The following PIAS4 variants were observed in gnomAD, a reference collection of about 807,000 sequenced individuals.
The protein encoded by PIAS4 is protein inhibitor of activated STAT 4, also known as E3 SUMO-protein ligase PIAS4.
Under a neutral mutation model 58.0 loss-of-function variants are expected in PIAS4, and 7 were observed. The observed-to-expected ratio is 0.12, with a 90% CI of 0.07 to 0.23. The LOEUF (loss-of-function observed/expected upper bound fraction) is 0.23. Ranked by LOEUF, PIAS4 falls within the 10% of genes least tolerant of loss-of-function variation. PIAS4 has a pLI of 1.00. For missense variants in PIAS4, 550 were observed against 709.5 expected, an observed-to-expected ratio of 0.78 and a Z score of 2.55; for synonymous variants, 364 against 312.4, an observed-to-expected ratio of 1.17 and a Z score of -1.74.
At position 4,028,127 on chromosome 19, in the gene PIAS4, G is replaced by A. The variant is rs755663449; in HGVS notation, c.540-19G>A. The stretch of plus-strand genomic sequence containing the variant: ...CTCAGCTCTCCTTTCCTTTCCTCTG[G>A]TTTGCTCCACACCCACAGGGAACTG... On this transcript the variant is annotated intron_variant, in intron 3 of 10. Coordinates refer to ENST00000262971, the MANE Select transcript of PIAS4 (RefSeq NM_015897.4). 5.0e-6 allele frequency: 8 copies of A among 1,613,532 alleles called. No homozygotes were observed. The South Asian group carries it at 8.8e-5, about 18-fold the overall frequency.
Position 4,037,335 on chromosome 19 carries a change from C to T in PIAS4, c.1143-39C>T, listed in dbSNP as rs1029486618. On this transcript the variant is annotated intron_variant, in intron 9 of 10. Transcript: ENST00000262971. The surrounding 1 kb of genome is among the most constrained non-coding windows in gnomAD (Gnocchi z 5.8). ...GGGCTGGGGAGTTGGGGGGGTGGGG[C>T]ACCTCCAGCCCCGGCGTCAGCTGTC... 2 of 1,571,874 alleles carry T rather than the reference C, an allele frequency of 1.3e-6. No individual in the cohort carries two copies. Among genetic ancestry groups the T allele is most frequent in the East Asian group, 2.3e-5 (1 of 44,246 alleles).
At chr19:4,029,423 C>T (rs1435317917) in intron 7 of PIAS4, among the ~76,000 whole-genome samples, 3 of 152,066 alleles carry the variant, frequency 2.0e-5, no homozygotes, top group Non-Finnish European at 2.9e-5. Flanking sequence ...TCAGCGGGGC[C>T]GAGGGTGCTG....
At chr19:4,024,155 G>T (rs369476650) in intron 3 of PIAS4, 35 bp downstream of exon 3, 1 of 1,228,868 alleles carries the variant, frequency 8.1e-7, no homozygotes, top group Non-Finnish European at 1.1e-6. Context: ...GCACCCCACC[G>T]CCCGCCCACC....
At chr19:4,029,554 T>C (rs1004239407) in intron 7 of PIAS4, among the ~76,000 whole-genome samples, 7 of 151,878 alleles carry the variant, frequency 4.6e-5, no homozygotes, top group African/African-American at 1.7e-4. Context: ...TCTTTTTCTT[T>C]TTCTTTTTTT....
chr19:4,024,019 C>T lies in PIAS4; in HGVS notation c.455-17C>T, dbSNP rs778592012. ...GCCAGGGACCAGACATGCCCCTGAC[C>T]CCGTGTTTGTCTTCAGTCCCACAGA... On this transcript the variant is annotated splice_polypyrimidine_tract_variant and intron_variant, in intron 2 of 10. Transcript: ENST00000262971. 6.3e-7 allele frequency: 1 copy of T among 1,587,684 alleles called. No individual in the cohort carries two copies. Among genetic ancestry groups the T allele is most frequent in the Non-Finnish European group, 8.7e-7 (1 of 1,155,630 alleles).
chr19:4,018,588 A>G (rs2040075824), intron 2 of PIAS4: 1 of 152,226 alleles, frequency 6.6e-6, no homozygotes, highest in Non-Finnish European at 1.5e-5. Context: ...CATCTGGTTC[A>G]GTGGTGCCCT....
At chr19:4,035,794 C>A (rs370590449) in intron 9 of PIAS4, among the ~76,000 whole-genome samples, 10 of 7,336 alleles carry the variant, frequency 1.4e-3, no homozygotes, top group East Asian at 5.5e-3. Flanking sequence ...TCCATACCAT[C>A]ACACACACCC....
At chr19:4,033,762 A>G (rs2040248455) in intron 9 of PIAS4, among the ~76,000 whole-genome samples, 182 bp downstream of exon 9, 1 of 152,132 alleles carries the variant, frequency 6.6e-6, no homozygotes, top group Non-Finnish European at 1.5e-5. Flanking sequence ...GGAACTTCTC[A>G]GAGCCTTTGC....
intron 3 of PIAS4, among the ~76,000 whole-genome samples, chr19:4,025,471 A>G (rs2144924980): frequency 6.6e-6 from 1 of 152,308 alleles, no homozygotes; most frequent in East Asian, 1.9e-4. Context: ...CCCTGAGTCC[A>G]TGGCAGGGCT....
At chr19:4,016,921 C>G (rs1165551951) in intron 2 of PIAS4, among the ~76,000 whole-genome samples, 1 of 152,116 alleles carries the variant, frequency 6.6e-6, no homozygotes, top group African/African-American at 2.4e-5. Flanking sequence ...CTGCTTGCCC[C>G]GAGGGCTTCA....
In PIAS4 at chr19:4,013,582, C is replaced by T. The variant is rs572469045; in HGVS notation, c.454+233C>T. On this transcript the variant is annotated intron_variant, in intron 2 of 10. Coordinates refer to ENST00000262971, the MANE Select transcript of PIAS4 (RefSeq NM_015897.4). The surrounding 1 kb of genome is among the most constrained non-coding windows in gnomAD (Gnocchi z 5.1). ...AAATGGAGCCACTGGAAGCAGGGGGCGTCTGTTAGCTCTCAGGAACCTGTG... is the reference window on the plus strand; with the variant it reads ...AAATGGAGCCACTGGAAGCAGGGGGTGTCTGTTAGCTCTCAGGAACCTGTG... 3.5e-4 allele frequency among the ~76,000 whole-genome samples: 54 copies of T among 152,296 alleles called. No individual in the cohort carries two copies. Among genetic ancestry groups the T allele is most frequent in the African/African-American group, 1.1e-3 (47 of 41,576 alleles).
At chr19:4,028,087 G>A in intron 3 of PIAS4, 59 bp from the exon 4 acceptor site, 2 of 1,550,190 alleles carry the variant, frequency 1.3e-6, no homozygotes, top group South Asian at 1.1e-5. Context: ...GTGGGCTGGG[G>A]TCACGCCCTC....
At chr19:4,025,673 C>T (rs10422505) in intron 3 of PIAS4, among the ~76,000 whole-genome samples, 7,950 of 152,188 alleles carry the variant, frequency 0.052, 692 homozygotes, top group African/African-American at 0.18. Flanking sequence ...GTGGCGACCT[C>T]GTCTTTCTCA....
intron 2 of PIAS4, among the ~76,000 whole-genome samples, chr19:4,020,081 TA>T (rs2040094282): frequency 6.6e-6 from 1 of 152,106 alleles, no homozygotes; most frequent in African/African-American, 2.4e-5. Flanking sequence ...CACGCCCGGC[TA>T]ATTTTTTGTA....
intron 9 of PIAS4, among the ~76,000 whole-genome samples, chr19:4,036,701 C>A (rs1426352883): frequency 7.2e-6 from 1 of 139,006 alleles, no homozygotes; most frequent in Non-Finnish European, 1.5e-5. Flanking sequence ...ATAGTCCACA[C>A]CATCATACAC....
intron 2 of PIAS4, among the ~76,000 whole-genome samples, chr19:4,017,552 G>T (rs2040064615): frequency 6.6e-6 from 1 of 152,148 alleles, no homozygotes; most frequent in Non-Finnish European, 1.5e-5. Context: ...GGGAATCAGT[G>T]CTGGTAGCTC....
In PIAS4 at chr19:4,038,524, A is replaced by G. The variant is rs975682134; in HGVS notation, c.*649A>G. 1.3e-5 allele frequency: 2 copies of G among 151,938 alleles called. No individual in the cohort carries two copies. Among genetic ancestry groups the G allele is most frequent in the African/African-American group, 4.8e-5 (2 of 41,316 alleles). The allele number at this position is 151,938 out of a possible 1,614,324, so 9.4% of individuals were successfully genotyped here. ...GAGGGTTTAGCCACAGATGTGTTGT[A>G]TTTTTTGAAAGTGCAATAATTTGGT... On this transcript the variant is annotated 3_prime_UTR_variant, in exon 11 of 11. Transcript: ENST00000262971. The surrounding 1 kb of genome is among the most constrained non-coding windows in gnomAD (Gnocchi z 4.1).
Position 4,037,770 on chromosome 19 carries a change from GGAGGAT to G in PIAS4, c.1434_1439del (p.Asp478_Glu479del), listed in dbSNP as rs1568223690. On this transcript the variant is annotated inframe_deletion, in exon 11 of 11. Transcript: ENST00000262971. This position sits in a 1 kb window ranked among gnomAD's most constrained non-coding sequence, Gnocchi z 5.8. ...TCACGCTGGACAGCTCATCGTCCTC[GGAGGAT>G]GAGGAGGAGGAGGAAGAGGAGGAGG... The G allele has an allele frequency of 1.9e-6, 3 of 1,604,048 alleles. No homozygotes were observed. Among genetic ancestry groups the G allele is most frequent in the Admixed American group, 3.4e-5 (2 of 58,074 alleles).
intron 1 of PIAS4, among the ~76,000 whole-genome samples, chr19:4,008,147 G>A (rs549514620): frequency 2.0e-5 from 3 of 152,224 alleles, no homozygotes; most frequent in Non-Finnish European, 4.4e-5. Context: ...TGAGCTACTC[G>A]TTGCCCTCTT....
Sources: allele counts gnomAD v4.1 joint callset (sites outside exome capture counted in the v4.1 genomes callset), GRCh38; gene constraint gnomAD v4.1.1; non-coding constraint Gnocchi (gnomAD v3.1); transcripts MANE v1.5; gene names NCBI Gene and HGNC (gene_info 2026-07-23, HGNC 2026-07-21).